Variants in CNTN4 observed in about 807,000 individuals in gnomAD.
The protein encoded by CNTN4 is contactin-4.
In CNTN4, 77 loss-of-function variants were observed where a neutral mutation model predicts 122.5. The ratio of observed to expected loss-of-function variants is 0.63; its 90% CI spans 0.52 to 0.76. CNTN4 has a LOEUF of 0.76. Ranked by LOEUF, CNTN4 falls within the 30% of genes least tolerant of loss-of-function variation. The probability of loss-of-function intolerance (pLI) is 0.00; values close to 1 mark genes in which losing one functional copy is unlikely to be tolerated. For synonymous variants in CNTN4, 512 were observed against 447.0 expected, an observed-to-expected ratio of 1.15 and a Z score of -1.83; for missense variants, 1,256 against 1,259.1, an observed-to-expected ratio of 1.00 and a Z score of 0.04.
intron 4 of CNTN4, among the ~76,000 whole-genome samples, chr3:2,596,495 G>T (rs1170646097): frequency 6.6e-6 from 1 of 152,108 alleles, no homozygotes; most frequent in Non-Finnish European, 1.5e-5. Flanking sequence ...TCTGGTGGTA[G>T]TAAGGAATCA....
chr3:2,797,766 C>G (rs2092233788), intron 6 of CNTN4, among the ~76,000 whole-genome samples: 1 of 152,090 alleles, frequency 6.6e-6, no homozygotes, highest in Non-Finnish European at 1.5e-5. Context: ...ATTTGTAAGG[C>G]ATTCCTGTTT....
chr3:2,658,965 G>GACACACAC lies in CNTN4; in HGVS notation c.56-77212_56-77205dup, dbSNP rs67168398. 7.4e-4 allele frequency among the ~76,000 whole-genome samples: 103 copies of GACACACAC among 139,704 alleles called. 2 individuals carry two copies. The highest frequency in any genetic ancestry group is 2.1e-3 in the Admixed American group (30 of 14,032). 91.7% of individuals were successfully genotyped at this position (139,704 alleles called of 152,430 possible). ...AATAACACACCCACACACACAAACA[G>GACACACAC]ACACACACACACACACACACACACA... On this transcript the variant is annotated intron_variant, in intron 4 of 24. Transcript: ENST00000418658.
chr3:2,940,180 T>C (rs2094601005), intron 13 of CNTN4, among the ~76,000 whole-genome samples: 1 of 152,204 alleles, frequency 6.6e-6, no homozygotes, highest in African/African-American at 2.4e-5. Context: ...TCTTCTGATT[T>C]ATGCAGAGTG....
chr3:2,526,892 C>T (rs1559639307), intron 3 of CNTN4, among the ~76,000 whole-genome samples: 1 of 152,142 alleles, frequency 6.6e-6, no homozygotes, highest in Admixed American at 6.6e-5. Context: ...CAATGAGAAC[C>T]ATCCTTGATA....
At chr3:3,041,264 CTCTG>C (rs1700140092) in intron 20 of CNTN4, 1 of 152,292 alleles carries the variant, frequency 6.6e-6, no homozygotes. Context: ...GCTGCTGCCT[CTCTG>C]TCTGCCTCAG....
At chr3:2,677,794 GA>G (rs939473240) in intron 4 of CNTN4, among the ~76,000 whole-genome samples, 10 of 147,492 alleles carry the variant, frequency 6.8e-5, no homozygotes, top group South Asian at 2.1e-4. Flanking sequence ...GTGAATGTTA[GA>G]AAAAAAAAAT....
chr3:2,830,258 T>C (rs2093074527), intron 7 of CNTN4, among the ~76,000 whole-genome samples: 1 of 152,168 alleles, frequency 6.6e-6, no homozygotes, highest in South Asian at 2.1e-4. Context: ...CAGATTTCAA[T>C]TCAAGTTGAG....
chr3:2,931,978 A>G (rs1355352801), intron 13 of CNTN4, among the ~76,000 whole-genome samples: 3 of 150,638 alleles, frequency 2.0e-5, no homozygotes, highest in African/African-American at 7.4e-5. Flanking sequence ...GATCTTCTCC[A>G]CCCTCCACCC....
At chr3:2,285,005 C>T (rs866098279) in intron 2 of CNTN4, among the ~76,000 whole-genome samples, 12 of 151,448 alleles carry the variant, frequency 7.9e-5, no homozygotes, top group South Asian at 4.2e-4. Flanking sequence ...ATATTTTTGC[C>T]AGATTATCTA....
chr3:2,861,293 A>G (rs2150774418), intron 7 of CNTN4, among the ~76,000 whole-genome samples: 1 of 152,238 alleles, frequency 6.6e-6, no homozygotes. Context: ...CACACTGATA[A>G]CTAATTCCAA....
intron 4 of CNTN4, among the ~76,000 whole-genome samples, chr3:2,670,983 C>T (rs1211828205): frequency 2.6e-5 from 4 of 152,180 alleles, no homozygotes; most frequent in African/African-American, 7.2e-5. Context: ...GATGGGCTTC[C>T]CTTTGTGGGT....
At chr3:2,342,720 C>T (rs991875337) in intron 3 of CNTN4, among the ~76,000 whole-genome samples, 3 of 152,168 alleles carry the variant, frequency 2.0e-5, no homozygotes, top group African/African-American at 7.2e-5. Context: ...GCTTCTCCTT[C>T]CACCATGATT....
At position 2,466,970 on chromosome 3, in the gene CNTN4, CTT is replaced by C. The variant is rs60879017; in HGVS notation, c.-88-104430_-88-104429del. 1.3e-3 allele frequency among the ~76,000 whole-genome samples: 151 copies of C among 115,764 alleles called. 2 individuals are homozygous for C. Among genetic ancestry groups the C allele is most frequent in the Middle Eastern group, 5.6e-3 (1 of 178 alleles). 75.9% of individuals were successfully genotyped at this position (115,764 alleles called of 152,430 possible). A position where few individuals can be genotyped will look rare whatever the true frequency, so the allele number is the denominator to read the frequency against. Reference sequence around the variant, plus strand: ...TTTTTCTTTCTTTCTTTCTTTCTTTCTTTTTTTTTTTTTTTTTGCATTTCCAG... The same window carrying C: ...TTTTTCTTTCTTTCTTTCTTTCTTTCTTTTTTTTTTTTTTTGCATTTCCAG... On this transcript the variant is annotated intron_variant, in intron 3 of 24. Coordinates refer to ENST00000418658, the MANE Select transcript of CNTN4 (RefSeq NM_175607.3).
chr3:2,782,884 C>G (rs1394341288), intron 6 of CNTN4, among the ~76,000 whole-genome samples: 1 of 152,106 alleles, frequency 6.6e-6, no homozygotes, highest in Non-Finnish European at 1.5e-5. Flanking sequence ...ATGAGTAACC[C>G]GGAATGAGTT....
rs562994732 is a variant in CNTN4, at chr3:2,610,821, C to T, written c.55+39263C>T. On this transcript the variant is annotated intron_variant, in intron 4 of 24. Transcript: ENST00000418658. ...AGTGTATTGTCTGAGAATACGGTGG[C>T]GTTTTCCATTGCTAAAAAGAAATGC... is the stretch of plus-strand genomic sequence containing the variant. Among the ~76,000 whole-genome samples, 13 of 152,078 alleles carry T rather than the reference C, an allele frequency of 8.5e-5. 1 individual carries two copies. In the South Asian group the frequency reaches 1.7e-3, roughly 19 times the overall value.
Position 2,579,601 on chromosome 3 carries a change from T to C in CNTN4, c.55+8043T>C, listed in dbSNP as rs529093748. 7.2e-5 allele frequency among the ~76,000 whole-genome samples: 11 copies of C among 152,252 alleles called. No individual in the cohort carries two copies. In the South Asian group the frequency reaches 2.3e-3, roughly 32 times the overall value. On this transcript the variant is annotated intron_variant, in intron 4 of 24. Coordinates refer to ENST00000418658, the MANE Select transcript of CNTN4 (RefSeq NM_175607.3). ...TACTTCTTTAGGCTATCTGTGAGGA[T>C]TGAGAACGTGCATATATTCTTTGCA...
chr3:2,204,415 C>G (rs986738663), intron 2 of CNTN4, among the ~76,000 whole-genome samples: 19 of 152,224 alleles, frequency 1.2e-4, no homozygotes, highest in African/African-American at 3.4e-4. Context: ...CTAAAAGTAG[C>G]TAATTCAACT....
At chr3:2,416,891 T>G (rs1005443714) in intron 3 of CNTN4, among the ~76,000 whole-genome samples, 9 of 152,000 alleles carry the variant, frequency 5.9e-5, no homozygotes, top group African/African-American at 2.2e-4. Context: ...CCTGACCTTG[T>G]GATCCACCTG....
At chr3:2,790,194 T>C (rs2091965168) in intron 6 of CNTN4, among the ~76,000 whole-genome samples, 2 of 152,358 alleles carry the variant, frequency 1.3e-5, no homozygotes, top group Non-Finnish European at 1.5e-5. Flanking sequence ...AATTCAAACC[T>C]GAGTTTGTTA....
Sources: allele counts gnomAD v4.1 joint callset (sites outside exome capture counted in the v4.1 genomes callset), GRCh38; gene constraint gnomAD v4.1.1; transcripts MANE v1.5; gene names NCBI Gene and HGNC (gene_info 2026-07-23, HGNC 2026-07-21).